Variants in RIMS2 observed in about 807,000 individuals in gnomAD.
The protein encoded by RIMS2 is regulating synaptic membrane exocytosis 2.
A neutral mutation model predicts 174.4 loss-of-function variants in RIMS2; 59 were observed. That is an observed-to-expected ratio of 0.34 (90% CI 0.27 to 0.42). The LOEUF is 0.42. Among genes scored for constraint, RIMS2 ranks in the 10% least tolerant of loss-of-function variants. The probability of loss-of-function intolerance (pLI) is 1.00; values close to 1 mark genes in which losing one functional copy is unlikely to be tolerated. For missense variants in RIMS2, 1,620 were observed against 1,666.3 expected, an observed-to-expected ratio of 0.97 and a Z score of 0.48; for synonymous variants, 606 against 572.5, an observed-to-expected ratio of 1.06 and a Z score of -0.84.
At chr8:103,659,800 C>T (rs1182134014) in intron 1 of RIMS2, among the ~76,000 whole-genome samples, 1 of 152,144 alleles carries the variant, frequency 6.6e-6, no homozygotes, top group Non-Finnish European at 1.5e-5. Context: ...ATTGACCTGA[C>T]GAGTGGAGCG....
intron 19 of RIMS2, among the ~76,000 whole-genome samples, chr8:104,109,590 G>A (rs1197815763): frequency 2.6e-5 from 4 of 151,960 alleles, no homozygotes; most frequent in Non-Finnish European, 1.5e-5. Flanking sequence ...AAATAGTAGA[G>A]ATGGGTTTAA....
intron 19 of RIMS2, among the ~76,000 whole-genome samples, chr8:104,244,706 T>C (rs2099321097): frequency 6.6e-6 from 1 of 152,246 alleles, no homozygotes; most frequent in South Asian, 2.1e-4. Context: ...AATGGTGTTT[T>C]GTGCTTCTAC....
intron 1 of RIMS2, among the ~76,000 whole-genome samples, chr8:103,615,053 C>T (rs1034382630): frequency 3.3e-5 from 5 of 152,088 alleles, no homozygotes; most frequent in East Asian, 1.9e-4. Flanking sequence ...ATATTATTTG[C>T]TCTTACTGGC....
At chr8:103,986,217 CA>C (rs2094350565) in intron 16 of RIMS2, among the ~76,000 whole-genome samples, 1 of 151,322 alleles carries the variant, frequency 6.6e-6, no homozygotes, top group Non-Finnish European at 1.5e-5. Flanking sequence ...GTTTACTTGA[CA>C]AAAAAATTTT....
chr8:103,870,846 T>C (rs2099107975), intron 3 of RIMS2, among the ~76,000 whole-genome samples: 1 of 152,204 alleles, frequency 6.6e-6, no homozygotes, highest in African/African-American at 2.4e-5. Flanking sequence ...TCCTGGTCCC[T>C]AGGTTTAACC....
At chr8:103,531,456 G>C (rs777931545) in intron 1 of RIMS2, among the ~76,000 whole-genome samples, 9 of 152,210 alleles carry the variant, frequency 5.9e-5, no homozygotes, top group Non-Finnish European at 1.3e-4. Context: ...TTACTTGGGA[G>C]TTTCTGGGTT....
At chr8:104,231,731 A>G (rs992991324) in intron 19 of RIMS2, among the ~76,000 whole-genome samples, 1 of 152,228 alleles carries the variant, frequency 6.6e-6, no homozygotes, top group Non-Finnish European at 1.5e-5. Context: ...TATTATGCTT[A>G]CTATTCCCTT....
At chr8:103,910,278 T>G in intron 5 of RIMS2, 43 bp from the exon 8 acceptor site, 1 of 1,510,564 alleles carries the variant, frequency 6.6e-7, no homozygotes, top group Non-Finnish European at 9.0e-7. Flanking sequence ...CTTTGCATGT[T>G]TCTTTTTTGT....
chr8:103,775,947 C>T (rs1231456416), intron 3 of RIMS2, among the ~76,000 whole-genome samples: 1 of 152,144 alleles, frequency 6.6e-6, no homozygotes. Context: ...ATTTAAGTGA[C>T]CTATAAATAG....
chr8:104,241,404 T>TAA lies in RIMS2; in HGVS notation c.3335-3511_3335-3510insAA, dbSNP rs890063377. Among the ~76,000 whole-genome samples, 5 of 152,308 alleles carry TAA rather than the reference T, an allele frequency of 3.3e-5. No homozygotes were observed. In the South Asian group the frequency reaches 6.2e-4, roughly 19 times the overall value. On this transcript the variant is annotated intron_variant, in intron 19 of 23. Coordinates refer to ENST00000504942, the Ensembl canonical transcript of RIMS2. ...AGAAGCAACCTGTAAACAAAAAAAT[T>TAA]ACATGCTTATCATATTATTCTTTGA... is the stretch of plus-strand genomic sequence containing the variant.
chr8:103,723,435 G>A (rs1408030426), intron 2 of RIMS2, among the ~76,000 whole-genome samples: 1 of 152,224 alleles, frequency 6.6e-6, no homozygotes, highest in Non-Finnish European at 1.5e-5. Flanking sequence ...CAGGCTTGCT[G>A]CTGGAGTCTG....
chr8:103,839,252 A>T (rs12543866), intron 3 of RIMS2, among the ~76,000 whole-genome samples: 23,934 of 152,022 alleles, frequency 0.16, 1,991 homozygotes, highest in Middle Eastern at 0.25. Flanking sequence ...ATTGTTATGG[A>T]TTCATTTTCT....
intron 1 of RIMS2, among the ~76,000 whole-genome samples, chr8:103,561,791 G>A (rs2091633280): frequency 6.6e-6 from 1 of 152,104 alleles, no homozygotes; most frequent in Admixed American, 6.5e-5. Flanking sequence ...TTTCATTCGG[G>A]TGATAAAGAC....
At chr8:103,985,017 T>C (rs1596392299) in intron 16 of RIMS2, among the ~76,000 whole-genome samples, 1 of 152,042 alleles carries the variant, frequency 6.6e-6, no homozygotes, top group African/African-American at 2.4e-5. Context: ...TGGAGACTAG[T>C]AGGATGATTA....
chr8:104,242,274 A>C (rs1260778431), intron 19 of RIMS2, among the ~76,000 whole-genome samples: 1 of 152,136 alleles, frequency 6.6e-6, no homozygotes, highest in Non-Finnish European at 1.5e-5. Flanking sequence ...AAATTGCAGA[A>C]TATATAACAT....
chr8:104,166,313 GC>G (rs1321138314), intron 19 of RIMS2, among the ~76,000 whole-genome samples: 1 of 151,830 alleles, frequency 6.6e-6, no homozygotes, highest in African/African-American at 2.4e-5. Flanking sequence ...TGATCCGCCC[GC>G]CTCTGCCTCC....
chr8:104,105,915 C>T (rs1288188110), intron 19 of RIMS2, among the ~76,000 whole-genome samples: 1 of 151,430 alleles, frequency 6.6e-6, no homozygotes, highest in Non-Finnish European at 1.5e-5. Flanking sequence ...TGGCACGCAC[C>T]AGTAGTCCCA....
At chr8:104,141,300 G>A (rs1443673973) in intron 19 of RIMS2, among the ~76,000 whole-genome samples, 2 of 152,010 alleles carry the variant, frequency 1.3e-5, no homozygotes, top group Admixed American at 6.6e-5. Flanking sequence ...CAATAATTTG[G>A]TAGAGAATTT....
At chr8:103,857,351 TG>T (rs2099033555) in intron 3 of RIMS2, among the ~76,000 whole-genome samples, 1 of 152,224 alleles carries the variant, frequency 6.6e-6, no homozygotes, top group Non-Finnish European at 1.5e-5. Flanking sequence ...AGTTGCATAT[TG>T]TAATGCTCAC....
Sources: allele counts gnomAD v4.1 joint callset (sites outside exome capture counted in the v4.1 genomes callset), GRCh38; gene constraint gnomAD v4.1.1; transcripts MANE v1.5; gene names NCBI Gene and HGNC (gene_info 2026-07-23, HGNC 2026-07-21).